Variants in LONP1 observed in about 807,000 individuals in gnomAD.
The protein encoded by LONP1 is lon peptidase 1, mitochondrial.
A neutral mutation model predicts 98.5 loss-of-function variants in LONP1; 31 were observed. The observed-to-expected ratio is 0.31, with a 90% CI of 0.24 to 0.42. The LOEUF (loss-of-function observed/expected upper bound fraction) is 0.42. Among genes scored for constraint, LONP1 ranks in the 20% least tolerant of loss-of-function variants. LONP1 has a pLI of 1.00. For synonymous variants in LONP1, 781 were observed against 594.7 expected, an observed-to-expected ratio of 1.31 and a Z score of -4.56; for missense variants, 1,336 against 1,350.6, an observed-to-expected ratio of 0.99 and a Z score of 0.17.
At chr19:5,719,557 T>A (rs1223045196) in intron 1 of LONP1, 147 bp downstream of exon 1, 4 of 1,467,874 alleles carry the variant, frequency 2.7e-6, no homozygotes, top group Non-Finnish European at 3.6e-6. Context: ...AAGCTAGTGG[T>A]GAGCAGACAA....
chr19:5,698,827 C>G (rs535880862), intron 10 of LONP1, among the ~76,000 whole-genome samples, 200 bp downstream of exon 10: 1 of 152,338 alleles, frequency 6.6e-6, no homozygotes, highest in Non-Finnish European at 1.5e-5. Flanking sequence ...GAGGTTCCTG[C>G]CAGCGCTGTT....
rs186063593 is a variant in LONP1 at position 5,701,202 on chromosome 19, T to C, written c.1368-275A>G. On this transcript the variant is annotated intron_variant, in intron 8 of 17. Coordinates refer to ENST00000360614, the MANE Select transcript of LONP1 (RefSeq NM_004793.4). ...GGCTCACGCCTGTAATCCCAGAATT[T>C]TGGGAGGCCGAGGCAGGCGGATCAC... Among the ~76,000 whole-genome samples the C allele has an allele frequency of 0.015, 2,296 of 152,266 alleles. 38 individuals carry two copies. The highest frequency in any genetic ancestry group is 0.021 in the Non-Finnish European group (1,451 of 68,012).
chr19:5,692,794 T>C (rs977604754), intron 17 of LONP1, among the ~76,000 whole-genome samples: 2 of 152,162 alleles, frequency 1.3e-5, no homozygotes, highest in African/African-American at 2.4e-5. Flanking sequence ...TCACAGCCAC[T>C]TGACCATGCC....
In LONP1 at chr19:5,693,485, T is replaced by C. The variant is rs200670186; in HGVS notation, c.2539-23A>G. ...GCCCTGTGGAGGCATGTGGGGATAG[T>C]GGGTGAGCAGGTGGCCAGCAGCCCA... On this transcript the variant is annotated intron_variant, in intron 16 of 17. Coordinates refer to ENST00000360614, the MANE Select transcript of LONP1 (RefSeq NM_004793.4). 2.4e-5 allele frequency: 39 copies of C among 1,611,370 alleles called. No individual in the cohort carries two copies. The East Asian group carries it at 8.0e-4, about 33-fold the overall frequency.
intron 8 of LONP1, among the ~76,000 whole-genome samples, chr19:5,701,377 G>A (rs986448529): frequency 4.6e-5 from 7 of 152,142 alleles, no homozygotes; most frequent in African/African-American, 1.4e-4. Flanking sequence ...TCCCTCTGAT[G>A]CCGAGCCGAG....
chr19:5,712,383 C>CTG, intron 3 of LONP1: 1 of 207,472 alleles, frequency 4.8e-6, no homozygotes, highest in Non-Finnish European at 9.7e-6. Context: ...CTCATAGCAG[C>CTG]TCCTTCCTGT....
At chr19:5,698,686 A>G (rs1244017036) in intron 10 of LONP1, among the ~76,000 whole-genome samples, 2 of 152,164 alleles carry the variant, frequency 1.3e-5, no homozygotes, top group Non-Finnish European at 2.9e-5. Context: ...CAGCCCACAT[A>G]GACCAGCATC....
At chr19:5,701,176 T>G (rs1457223229) in intron 8 of LONP1, among the ~76,000 whole-genome samples, 1 of 152,226 alleles carries the variant, frequency 6.6e-6, no homozygotes, top group South Asian at 2.1e-4. Context: ...CCAGGCACAG[T>G]GGCTCACGCC....
chr19:5,720,119 G>C lies in LONP1; in HGVS notation c.14C>G (p.Thr5Ser), dbSNP rs2055415429. 3 of 1,428,906 alleles carry C rather than the reference G, an allele frequency of 2.1e-6. No homozygotes were observed. The highest frequency in any genetic ancestry group is 1.5e-5 in the African/African-American group (1 of 65,692). 88.5% of individuals were successfully genotyped at this position (1,428,906 alleles called of 1,614,324 possible). ...CGCTCCCCACAGTCGCACGTAGCCA[G>C]TGCTCGCCGCCATAGCCCGGCCATA... is the stretch of plus-strand genomic sequence containing the variant. The part of the protein sequence containing the change: MAAS[T>S]GYVRLWGAAR... Residue 5 changes from threonine to serine, a missense_variant, in exon 1 of 18, where the codon ACT becomes AGT. Physicochemically the swap from Thr to Ser is moderately conservative, Grantham distance 58. Around this residue, in one of 5 missense-constraint regions of LONP1, gnomAD observed 457 missense variants for 403.1 expected, o/e 1.13. Transcript: ENST00000360614.
chr19:5,695,505 T>C (rs1390858248), intron 13 of LONP1, among the ~76,000 whole-genome samples: 1 of 152,054 alleles, frequency 6.6e-6, no homozygotes, highest in African/African-American at 2.4e-5. Flanking sequence ...GGCCCAGCAG[T>C]GGGCATTGAA....
intron 10 of LONP1, among the ~76,000 whole-genome samples, chr19:5,697,105 G>A (rs1214082402): frequency 1.3e-5 from 2 of 152,168 alleles, no homozygotes; most frequent in East Asian, 3.9e-4. Flanking sequence ...CTCAAGGGCT[G>A]GGGTGATACT....
At position 5,714,256 on chromosome 19, in the gene LONP1, A is replaced by G; in HGVS notation, c.445T>C (p.Leu149=). 1 of 1,613,574 alleles carries G rather than the reference A, an allele frequency of 6.2e-7. No homozygotes were observed. The highest frequency in any genetic ancestry group is 8.5e-7 in the Non-Finnish European group (1 of 1,179,678). ...ACTTTCCTTCTCAGCAGCTCAACCA[A>G]CTTCTTATTTTTAACCTAGCATGAC... ...IKIIEVKNKK[L]VELLRRKVRL... Residue 149 remains leucine, a synonymous_variant, in exon 2 of 18, where the codon TTG becomes CTG. Transcript: ENST00000360614.
intron 8 of LONP1, among the ~76,000 whole-genome samples, chr19:5,701,808 G>A (rs963451316): frequency 1.3e-5 from 2 of 151,662 alleles, no homozygotes; most frequent in Non-Finnish European, 2.9e-5. Context: ...TGGGATGTGA[G>A]GAGCCCCTCT....
chr19:5,696,034 T>G lies in LONP1; in HGVS notation c.2013+20A>C, dbSNP rs368256556. On this transcript the variant is annotated intron_variant, in intron 13 of 17. Transcript: ENST00000360614. Reference sequence around the variant, plus strand: ...CCCTGCTCTGGGAAGGGGACAGCAGTGGGGAGGGGCTGGGCTTACCTCCGC... The same window carrying G: ...CCCTGCTCTGGGAAGGGGACAGCAGGGGGGAGGGGCTGGGCTTACCTCCGC... 2.5e-6 allele frequency: 4 copies of G among 1,602,262 alleles called. No individual in the cohort carries two copies. Among genetic ancestry groups the G allele is most frequent in the Non-Finnish European group, 3.4e-6 (4 of 1,173,322 alleles).
chr19:5,720,039 G>C lies in LONP1; in HGVS notation c.94C>G (p.Pro32Ala), dbSNP rs1225214798. 2 of 1,550,738 alleles carry C rather than the reference G, an allele frequency of 1.3e-6. No homozygotes were observed. Among genetic ancestry groups the C allele is most frequent in the African/African-American group, 1.4e-5 (1 of 71,636 alleles). ...AGCAACCACGCTCCTGCTGCAGTGG[G>C]AACCCGCCCCCCGGCGGCGGCCAGC... ...PMLAAAGGRV[P>A]TAAGAWLLRG... The change falls in exon 1 of 18, where the codon CCC becomes GCC. Residue 32 changes from proline to alanine, a missense_variant. By Grantham distance (27) the Pro-to-Ala change is conservative. Transcript: ENST00000360614.
chr19:5,697,130 C>T (rs2054946747), intron 10 of LONP1, among the ~76,000 whole-genome samples: 1 of 152,158 alleles, frequency 6.6e-6, no homozygotes, highest in African/African-American at 2.4e-5. Context: ...ATGGCCAGCA[C>T]TGGCTCTCAG....
At chr19:5,716,902 T>C (rs1184032583) in intron 1 of LONP1, among the ~76,000 whole-genome samples, 2 of 152,144 alleles carry the variant, frequency 1.3e-5, no homozygotes, top group Middle Eastern at 6.3e-3. Context: ...CACACCATTC[T>C]CCTGCCTCAG....
chr19:5,695,997 C>G (rs2054920016), intron 13 of LONP1, 57 bp downstream of exon 13: 3 of 1,516,150 alleles, frequency 2.0e-6, no homozygotes, highest in African/African-American at 1.4e-5. Flanking sequence ...TCTGCAGGCT[C>G]TGGGGGGCGC....
At position 5,719,718 on chromosome 19, in the gene LONP1, T is replaced by C. The variant is rs776093126; in HGVS notation, c.415A>G (p.Ile139Val). The stretch of plus-strand genomic sequence containing the variant: ...ACTCCCATTACCTCGATAATCTTGA[T>C]AAAGCGCGGGAACACCGGGTTGCGG... ...ITRNPVFPRF[I>V]KIIEVKNKKL... Residue 139 changes from isoleucine to valine, a missense_variant, in exon 1 of 18, where the codon ATC (isoleucine) becomes GTC (valine). Transcript: ENST00000360614. 3 of 1,613,742 alleles carry C rather than the reference T, an allele frequency of 1.9e-6. No individual in the cohort carries two copies. The highest frequency in any genetic ancestry group is 2.7e-5 in the African/African-American group (2 of 74,948).
Sources: gnomAD v4.1 joint callset for allele counts (sites outside exome capture counted in the v4.1 genomes callset) on GRCh38, gnomAD v4.1.1 for gene constraint, gnomAD v4.1.1 regional missense constraint, MANE v1.5 for transcripts, NCBI Gene and HGNC (gene_info 2026-07-23, HGNC 2026-07-21) for gene names.